The following MICU1 variants were observed in gnomAD, a reference collection of about 807,000 sequenced individuals.
MICU1 encodes calcium uptake protein 1, mitochondrial.
A neutral mutation model predicts 56.8 loss-of-function variants in MICU1; 45 were observed. The observed-to-expected ratio is 0.79, with a 90% CI of 0.62 to 1.02. MICU1 has a LOEUF of 1.02. Ranked by LOEUF, MICU1 falls within the 50% of genes least tolerant of loss-of-function variation. The probability of loss-of-function intolerance (pLI) is 0.00; values close to 1 mark genes in which losing one functional copy is unlikely to be tolerated. For synonymous variants in MICU1, 186 were observed against 195.1 expected, an observed-to-expected ratio of 0.95 and a Z score of 0.39; for missense variants, 504 against 587.1, an observed-to-expected ratio of 0.86 and a Z score of 1.46.
At chr10:72,370,702 C>T (rs1340256177) in intron 11 of MICU1, among the ~76,000 whole-genome samples, 1 of 152,102 alleles carries the variant, frequency 6.6e-6, no homozygotes, top group Non-Finnish European at 1.5e-5. Context: ...GTGTGTTCAG[C>T]TTTTTAAAAA....
Position 72,423,314 on chromosome 10 carries a change from G to A in MICU1, c.991C>T (p.Leu331=). The A allele has an allele frequency of 6.2e-7, 1 of 1,613,950 alleles. No homozygotes were observed. Among genetic ancestry groups the A allele is most frequent in the Admixed American group, 1.7e-5 (1 of 59,996 alleles). Residue 331 remains leucine (L), a synonymous_variant, in exon 9 of 12, where the codon CTA becomes TTA. Transcript: ENST00000361114. ...RITERQFGGM[L]LAYSGVQSKK... ...GACTGCACCCCACTGTAGGCAAGTA[G>A]CATGCCACCAAACTGCCTCTCAGTA...
chr10:72,619,690 C>T (rs887038794), intron 1 of MICU1, among the ~76,000 whole-genome samples: 3 of 152,222 alleles, frequency 2.0e-5, no homozygotes, highest in Middle Eastern at 3.4e-3. Context: ...AAGTAAATTA[C>T]GAGAACCAAG....
chr10:72,448,691 A>T (rs1049239853), intron 8 of MICU1, among the ~76,000 whole-genome samples: 3 of 152,166 alleles, frequency 2.0e-5, no homozygotes, highest in Admixed American at 6.6e-5. Flanking sequence ...GTCCAAACAC[A>T]GGCAGGTGAA....
chr10:72,612,071 G>A (rs543993415), intron 1 of MICU1, among the ~76,000 whole-genome samples: 1 of 148,854 alleles, frequency 6.7e-6, no homozygotes, highest in South Asian at 2.1e-4. Context: ...ACTGAAACCA[G>A]ATTTGGTAAC....
intron 8 of MICU1, among the ~76,000 whole-genome samples, chr10:72,431,524 T>C (rs1006613049): frequency 2.0e-5 from 3 of 152,218 alleles, no homozygotes; most frequent in Non-Finnish European, 4.4e-5. Context: ...TGAACATTCT[T>C]AGATAACTGT....
intron 3 of MICU1, among the ~76,000 whole-genome samples, chr10:72,559,991 C>T (rs1430106391): frequency 6.6e-6 from 1 of 152,168 alleles, no homozygotes; most frequent in Non-Finnish European, 1.5e-5. Context: ...ACGGTTTCTC[C>T]TCAAACCATC....
chr10:72,498,414 C>T (rs1361249251), intron 6 of MICU1, among the ~76,000 whole-genome samples: 3 of 152,026 alleles, frequency 2.0e-5, no homozygotes, highest in African/African-American at 4.8e-5. Context: ...GGTGAAACCC[C>T]GTCTCTATTA....
At chr10:72,432,863 G>T (rs1433563095) in intron 8 of MICU1, among the ~76,000 whole-genome samples, 1 of 152,170 alleles carries the variant, frequency 6.6e-6, no homozygotes, top group Non-Finnish European at 1.5e-5. Context: ...CACTCAGTTT[G>T]CCCATCTGTT....
At chr10:72,600,625 G>A (rs541002707) in intron 1 of MICU1, among the ~76,000 whole-genome samples, 1 of 148,366 alleles carries the variant, frequency 6.7e-6, no homozygotes, top group East Asian at 1.9e-4. Context: ...CTCCAGCCTG[G>A]GTGACAGAGA....
intron 11 of MICU1, among the ~76,000 whole-genome samples, chr10:72,374,808 C>CTTTTTTTTTTTTTTT (rs34228174): frequency 1.3e-5 from 1 of 77,206 alleles, no homozygotes; most frequent in African/African-American, 5.2e-5. Context: ...CTACTATTAT[C>CTTTTTTTTTTTTTTT]TTTTTTTTTT....
chr10:72,440,743 A>G (rs1864894148), intron 8 of MICU1, among the ~76,000 whole-genome samples: 1 of 152,252 alleles, frequency 6.6e-6, no homozygotes, highest in South Asian at 2.1e-4. Context: ...GGCAAAGGAT[A>G]TGAACAGACA....
chr10:72,495,556 G>C (rs1240405433), intron 6 of MICU1, among the ~76,000 whole-genome samples: 2 of 151,242 alleles, frequency 1.3e-5, no homozygotes, highest in African/African-American at 2.4e-5. Flanking sequence ...CTTGGAAGCT[G>C]AGGCAGGAGA....
Position 72,461,641 on chromosome 10 carries a change from A to G in MICU1, c.933+13459T>C, listed in dbSNP as rs1430659606. ...CACAGTTCCTGGAAAACTAGTGTAA[A>G]TTATTAGTAGTTAAGAAAAGACTCT... is the stretch of plus-strand genomic sequence containing the variant. On this transcript the variant is annotated intron_variant, in intron 8 of 11. Transcript: ENST00000361114. 2.0e-5 allele frequency among the ~76,000 whole-genome samples: 3 copies of G among 152,190 alleles called. No individual in the cohort carries two copies. The East Asian group carries it at 5.8e-4, about 29-fold the overall frequency.
At chr10:72,592,679 CTAAT>C (rs1218342340) in intron 1 of MICU1, among the ~76,000 whole-genome samples, 1 of 152,058 alleles carries the variant, frequency 6.6e-6, no homozygotes, top group African/African-American at 2.4e-5. Context: ...CAGATGAAAA[CTAAT>C]TAATGCAATA....
intron 6 of MICU1, among the ~76,000 whole-genome samples, chr10:72,489,831 T>C (rs1457579490): frequency 6.6e-6 from 1 of 152,188 alleles, no homozygotes; most frequent in Non-Finnish European, 1.5e-5. Flanking sequence ...AAAGATATAC[T>C]TGAATGATTA....
rs146009138 is a variant in MICU1 at position 72,620,290 on chromosome 10, T to G, written c.-2+5720A>C. On this transcript the variant is annotated intron_variant, in intron 1 of 11. Transcript: ENST00000361114. ...ACCTCCGCCTCCCGGGTTCAGGCAATTCTCATGCCTCAGCCTCCCAAGCAG... is the reference window on the plus strand; with the variant it reads ...ACCTCCGCCTCCCGGGTTCAGGCAAGTCTCATGCCTCAGCCTCCCAAGCAG... 3.8e-3 allele frequency among the ~76,000 whole-genome samples: 585 copies of G among 152,232 alleles called. 1 individual carries two copies. The highest frequency in any genetic ancestry group is 4.7e-3 in the Non-Finnish European group (323 of 68,020).
At chr10:72,421,698 C>T (rs1864180468) in intron 9 of MICU1, among the ~76,000 whole-genome samples, 1 of 152,210 alleles carries the variant, frequency 6.6e-6, no homozygotes, top group Admixed American at 6.5e-5. Context: ...TCTAACTCAT[C>T]TCCTAAATTC....
chr10:72,488,070 C>T (rs1384505572), intron 6 of MICU1, among the ~76,000 whole-genome samples: 1 of 151,774 alleles, frequency 6.6e-6, no homozygotes, highest in Admixed American at 6.6e-5. Flanking sequence ...GTGGCACATG[C>T]CTGTAATCCC....
At chr10:72,404,970 G>A (rs1025265087) in intron 10 of MICU1, among the ~76,000 whole-genome samples, 22 of 152,148 alleles carry the variant, frequency 1.4e-4, no homozygotes, top group Non-Finnish European at 2.9e-4. Context: ...GCAGTGGCGT[G>A]ATCTCAGCTC....
Sources: allele counts gnomAD v4.1 joint callset (sites outside exome capture counted in the v4.1 genomes callset), GRCh38; gene constraint gnomAD v4.1.1; transcripts MANE v1.5; gene names NCBI Gene and HGNC (gene_info 2026-07-23, HGNC 2026-07-21).